The following RPGRIP1 variants were observed in gnomAD, a reference collection of about 807,000 sequenced individuals.
RPGRIP1 encodes the protein RPGR interacting protein 1, also known as X-linked retinitis pigmentosa GTPase regulator-interacting protein 1.
Under a neutral mutation model 157.9 loss-of-function variants are expected in RPGRIP1, and 128 were observed. The ratio of observed to expected loss-of-function variants is 0.81; its 90% CI spans 0.70 to 0.94. RPGRIP1 has a LOEUF of 0.94. RPGRIP1 is among the 40% of genes least tolerant of loss of function. RPGRIP1 has a pLI of 0.00. For missense variants in RPGRIP1, 1,486 were observed against 1,545.8 expected (o/e 0.96, Z 0.65); for synonymous variants, 554 against 571.6 (o/e 0.97, Z 0.44).
intron 10 of RPGRIP1, among the ~76,000 whole-genome samples, chr14:21,313,969 A>G (rs1232098027): frequency 4.5e-5 from 6 of 132,846 alleles, no homozygotes; most frequent in African/African-American, 1.4e-4. Flanking sequence ...TTCTCTTGAG[A>G]TGGGGTTTCA....
chr14:21,327,911 G>A, intron 18 of RPGRIP1, 104 bp downstream of exon 18: 1 of 891,828 alleles, frequency 1.1e-6, no homozygotes, highest in Non-Finnish European at 1.6e-6. Flanking sequence ...GCTCACGCCT[G>A]TAATCCCAGC....
chr14:21,347,064 C>CT (rs949014594), intron 23 of RPGRIP1, among the ~76,000 whole-genome samples: 5 of 152,110 alleles, frequency 3.3e-5, no homozygotes, highest in Admixed American at 2.0e-4. Context: ...TTAGCTTTCA[C>CT]TTTTTTTTCC....
chr14:21,307,406 A>G (rs1881363118), intron 6 of RPGRIP1, among the ~76,000 whole-genome samples: 1 of 152,224 alleles, frequency 6.6e-6, no homozygotes, highest in South Asian at 2.1e-4. Flanking sequence ...TGGTTTCTCT[A>G]AGGAAACGGC....
chr14:21,333,127 A>G (rs1020623354), intron 20 of RPGRIP1, among the ~76,000 whole-genome samples: 4 of 152,192 alleles, frequency 2.6e-5, no homozygotes, highest in African/African-American at 9.6e-5. Flanking sequence ...AAAAACCTCA[A>G]AAGCACCAGT....
At position 21,301,041 on chromosome 14, in the gene RPGRIP1, G is replaced by A. The variant is rs1881003802; in HGVS notation, c.294G>A (p.Ser98=). 2 of 1,612,620 alleles carry A rather than the reference G, an allele frequency of 1.2e-6. No homozygotes were observed. The highest frequency in any genetic ancestry group is 1.7e-6 in the Non-Finnish European group (2 of 1,179,424). ...TCGCGGAGGAGGCGGCGCCGCTCTCGGAGACCGCAAGGCGCGGGCAGAAGG... is the reference window on the plus strand; with the variant it reads ...TCGCGGAGGAGGCGGCGCCGCTCTCAGAGACCGCAAGGCGCGGGCAGAAGG... ...LRVAEEAAPL[S]ETARRGQKAG... is the part of the protein sequence containing the mutation. Residue 98 remains serine (S), a synonymous_variant, in exon 4 of 25, where the codon TCG becomes TCA. Coordinates refer to ENST00000400017, the MANE Select transcript of RPGRIP1 (RefSeq NM_020366.4).
chr14:21,325,950 C>T lies in RPGRIP1; in HGVS notation c.2487C>T (p.Phe829=), dbSNP rs1883046210. 6.2e-7 allele frequency: 1 copy of T among 1,613,898 alleles called. No homozygotes were observed. The highest frequency in any genetic ancestry group is 8.5e-7 in the Non-Finnish European group (1 of 1,179,894). ...QPSPYAVYRF[F]TFSDHDTAII... ...GTCCATATGCTGTGTACCGCTTCTT[C>T]ACCTTTTCTGACCATGACACTGCCA... The change falls in exon 17 of 25, where the codon TTC becomes TTT. Residue 829 remains phenylalanine (F), a synonymous_variant. Transcript: ENST00000400017.
intron 6 of RPGRIP1, among the ~76,000 whole-genome samples, chr14:21,306,225 G>A (rs28712318): frequency 2.2e-3 from 279 of 128,926 alleles, no homozygotes; most frequent in African/African-American, 7.9e-3. Flanking sequence ...TCCATCTTCC[G>A]GGTTCAAGCA....
In RPGRIP1 at chr14:21,312,635, T is replaced by C. The variant is rs1190973392; in HGVS notation, c.1151+129T>C. 6 of 572,504 alleles carry C rather than the reference T, an allele frequency of 1.0e-5. No individual in the cohort carries two copies. The East Asian group carries it at 1.6e-4, about 15-fold the overall frequency. 35.5% of individuals were successfully genotyped at this position (572,504 alleles called of 1,614,324 possible). ...TCAATATTGTTAGTGAGAATATTAATCGGCAGTCTTTTGGAAGGGAATTTG... is the reference window on the plus strand; with the variant it reads ...TCAATATTGTTAGTGAGAATATTAACCGGCAGTCTTTTGGAAGGGAATTTG... On this transcript the variant is annotated intron_variant, in intron 10 of 24. Transcript: ENST00000400017.
chr14:21,308,527 AAAAG>A (rs1435892298), intron 7 of RPGRIP1, among the ~76,000 whole-genome samples: 1 of 152,184 alleles, frequency 6.6e-6, no homozygotes, highest in Admixed American at 6.5e-5. Flanking sequence ...GGCAGGACAC[AAAAG>A]AGAGAGTAGT....
chr14:21,338,511 A>G lies in RPGRIP1; in HGVS notation c.3339+3806A>G, dbSNP rs367545179. Among the ~76,000 whole-genome samples the G allele has an allele frequency of 7.2e-4, 109 of 152,312 alleles. 1 individual carries two copies. The highest frequency in any genetic ancestry group is 2.5e-3 in the African/African-American group (106 of 41,572). On this transcript the variant is annotated intron_variant, in intron 21 of 24. Transcript: ENST00000400017. ...CCAGCAAGTTCAAATGAGTTGATAT[A>G]TATTTCAATGGTTAATATTACTAAT... is the stretch of plus-strand genomic sequence containing the variant.
intron 3 of RPGRIP1, among the ~76,000 whole-genome samples, chr14:21,298,941 T>TAAAAA (rs10555165): frequency 1.2e-5 from 1 of 82,506 alleles, no homozygotes; most frequent in South Asian, 4.2e-4. Context: ...CTCTGTCTCA[T>TAAAAA]AAAAAAAAAA....
At chr14:21,300,911 C>G in intron 3 of RPGRIP1, 55 bp from the exon 4 acceptor site, 2 of 1,576,550 alleles carry the variant, frequency 1.3e-6, no homozygotes, top group Non-Finnish European at 1.7e-6. Flanking sequence ...CCAAATAACC[C>G]GTAGAAATAA....
chr14:21,301,677 A>AAATAATAATAAT (rs1232971998), intron 4 of RPGRIP1, among the ~76,000 whole-genome samples: 5 of 127,576 alleles, frequency 3.9e-5, no homozygotes, highest in South Asian at 5.3e-4. Flanking sequence ...CTCTGTCTCA[A>AAATAATAATAAT]AATAATAATA....
In RPGRIP1 at chr14:21,301,102, C is replaced by T. The variant is rs1881007607; in HGVS notation, c.355C>T (p.Pro119Ser). The T allele has an allele frequency of 6.2e-7, 1 of 1,611,454 alleles. No individual in the cohort carries two copies. Among genetic ancestry groups the T allele is most frequent in the Non-Finnish European group, 8.5e-7 (1 of 1,178,846 alleles). Residue 119 changes from proline (P) to serine (S), a missense_variant, in exon 4 of 25, where the codon CCC becomes TCC. Transcript: ENST00000400017. ...GCAGCGCCTCTCCATGCACCAGCGC[C>T]CCCAGATGCACCGACTGCAAGGGCA... is the stretch of plus-strand genomic sequence containing the variant. Reference protein sequence around the residue: ...WRQRLSMHQRPQMHRLQGHFH... With the variant: ...WRQRLSMHQRSQMHRLQGHFH...
intron 1 of RPGRIP1, among the ~76,000 whole-genome samples, chr14:21,281,963 C>A (rs1357183877): frequency 6.6e-6 from 1 of 151,906 alleles, no homozygotes; most frequent in African/African-American, 2.4e-5. Context: ...GGCATGGTGG[C>A]AGGTGCCTGT....
At chr14:21,345,046 G>A (rs1013776744) in intron 22 of RPGRIP1, 67 bp from the exon 23 acceptor site, 3 of 1,018,098 alleles carry the variant, frequency 2.9e-6, no homozygotes, top group African/African-American at 3.2e-5. Context: ...TACCACTAAT[G>A]AAAGTCTTGG....
chr14:21,285,928 T>C (rs1225534273), intron 1 of RPGRIP1, among the ~76,000 whole-genome samples: 1 of 151,848 alleles, frequency 6.6e-6, no homozygotes, highest in Non-Finnish European at 1.5e-5. Flanking sequence ...AATGTGGTAG[T>C]TGAGGAAAGA....
At chr14:21,348,407 A>G in intron 24 of RPGRIP1, 105 bp downstream of exon 24, 1 of 886,770 alleles carries the variant, frequency 1.1e-6, no homozygotes, top group East Asian at 3.0e-5. Context: ...TTGATAAGAC[A>G]CAAAGTGGAT....
Position 21,327,736 on chromosome 14 carries a change from A to G in RPGRIP1, c.2824A>G (p.Thr942Ala). Residue 942 changes from threonine (T) to alanine (A), a missense_variant, in exon 18 of 25, where the codon ACT becomes GCT. Thr to Ala is a moderately conservative substitution (Grantham distance 58). Transcript: ENST00000400017. ...GAGCTTCCTGAAACCAGAAGCTCAGACTAAGGGGAAGGATACCAAGGACAG... is the reference window on the plus strand; with the variant it reads ...GAGCTTCCTGAAACCAGAAGCTCAGGCTAAGGGGAAGGATACCAAGGACAG... ...PESFLKPEAQ[T>A]KGKDTKDSSK... is the part of the protein sequence containing the mutation. 1 of 1,613,946 alleles carries G rather than the reference A, an allele frequency of 6.2e-7. No homozygotes were observed. Among genetic ancestry groups the G allele is most frequent in the South Asian group, 1.1e-5 (1 of 91,076 alleles).
Sources: gnomAD v4.1 joint callset for allele counts (sites outside exome capture counted in the v4.1 genomes callset) on GRCh38, gnomAD v4.1.1 for gene constraint, MANE v1.5 for transcripts, NCBI Gene and HGNC (gene_info 2026-07-23, HGNC 2026-07-21) for gene names.